TLL1: variants seen among roughly 807,000 people sequenced by gnomAD.
The protein encoded by TLL1 is tolloid like 1.
In TLL1, 49 loss-of-function variants were observed where a neutral mutation model predicts 128.2. The ratio of observed to expected loss-of-function variants is 0.38; its 90% CI spans 0.30 to 0.48. The LOEUF (loss-of-function observed/expected upper bound fraction) is 0.48, where lower values mean the gene tolerates loss of function less well. Among genes scored for constraint, TLL1 ranks in the 20% least tolerant of loss-of-function variants. The pLI is 0.96. For synonymous variants in TLL1, 454 were observed against 418.8 expected (o/e 1.08, Z -1.03); for missense variants, 1,123 against 1,242.0 (o/e 0.90, Z 1.44).
chr4:165,996,946 T>C (rs1035536586), intron 5 of TLL1, among the ~76,000 whole-genome samples: 1 of 151,828 alleles, frequency 6.6e-6, no homozygotes, highest in African/African-American at 2.4e-5. Flanking sequence ...GTGATTTTTA[T>C]AGTAGTAATG....
chr4:166,035,628 ATTT>A (rs3047081), intron 9 of TLL1, among the ~76,000 whole-genome samples: 3 of 151,218 alleles, frequency 2.0e-5, no homozygotes, highest in African/African-American at 7.3e-5. Context: ...AAAAAGTTGT[ATTT>A]TTTTTTTCCT....
intron 1 of TLL1, among the ~76,000 whole-genome samples, chr4:165,980,469 C>T (rs1736105554): frequency 2.0e-5 from 3 of 152,210 alleles, no homozygotes; most frequent in African/African-American, 7.2e-5. Context: ...ATGGCTGTTG[C>T]AGGCATAGCC....
chr4:165,975,667 T>C (rs1735843098), intron 1 of TLL1, among the ~76,000 whole-genome samples: 1 of 152,190 alleles, frequency 6.6e-6, no homozygotes, highest in South Asian at 2.1e-4. Flanking sequence ...AAGGGGTTTC[T>C]TTGACTTGAT....
intron 18 of TLL1, among the ~76,000 whole-genome samples, chr4:166,081,319 G>A (rs1741272907): frequency 6.6e-6 from 1 of 152,154 alleles, no homozygotes; most frequent in Non-Finnish European, 1.5e-5. Context: ...CTCCTTCAGA[G>A]GCTTACAGCT....
At chr4:165,918,409 A>T (rs2110884375) in intron 1 of TLL1, among the ~76,000 whole-genome samples, 1 of 152,254 alleles carries the variant, frequency 6.6e-6, no homozygotes, top group South Asian at 2.1e-4. Context: ...GCTGCACGTT[A>T]AAATTATTTG....
intron 1 of TLL1, among the ~76,000 whole-genome samples, chr4:165,956,145 A>G (rs1734780440): frequency 6.6e-6 from 1 of 152,160 alleles, no homozygotes; most frequent in Non-Finnish European, 1.5e-5. Flanking sequence ...ACTACTGACA[A>G]GGATCCAACA....
chr4:166,000,402 C>A (rs1429112212), intron 5 of TLL1, among the ~76,000 whole-genome samples: 2 of 152,064 alleles, frequency 1.3e-5, no homozygotes, highest in Admixed American at 1.3e-4. Flanking sequence ...TTCACAGGAC[C>A]ATTGTAAAAT....
At chr4:166,056,757 T>C (rs1046033856) in intron 13 of TLL1, among the ~76,000 whole-genome samples, 6 of 152,130 alleles carry the variant, frequency 3.9e-5, no homozygotes, top group Admixed American at 2.6e-4. Context: ...ACACACTGTG[T>C]CTGAGATAAG....
At chr4:166,092,890 T>G (rs889825287) in intron 19 of TLL1, among the ~76,000 whole-genome samples, 1 of 152,170 alleles carries the variant, frequency 6.6e-6, no homozygotes, top group African/African-American at 2.4e-5. Flanking sequence ...AGATCATTTC[T>G]TCAGATCTCA....
rs544245606 is a variant in TLL1 at position 166,033,564 on chromosome 4, T to C, written c.1159-5775T>C. Among the ~76,000 whole-genome samples, 33 of 152,344 alleles carry C rather than the reference T, an allele frequency of 2.2e-4. 1 individual carries two copies. The highest frequency in any genetic ancestry group is 7.9e-4 in the African/African-American group (33 of 41,592). ...TATTGTCTTTAAAAAATACAGTCAT[T>C]GTAGGACAATGATGTGAATGTACTT... On this transcript the variant is annotated intron_variant, in intron 9 of 20. Transcript: ENST00000061240.
intron 1 of TLL1, among the ~76,000 whole-genome samples, chr4:165,890,169 C>G (rs1402370644): frequency 6.6e-6 from 1 of 152,120 alleles, no homozygotes; most frequent in African/African-American, 2.4e-5. Context: ...GAGGTAACTG[C>G]CCCCATGATT....
chr4:165,967,370 G>T (rs1242817317), intron 1 of TLL1, among the ~76,000 whole-genome samples: 2 of 152,196 alleles, frequency 1.3e-5, no homozygotes, highest in African/African-American at 4.8e-5. Context: ...TTAAAGACAG[G>T]CCTAGGAAAT....
At chr4:166,079,994 C>T (rs1304725378) in intron 18 of TLL1, among the ~76,000 whole-genome samples, 2 of 152,128 alleles carry the variant, frequency 1.3e-5, no homozygotes, top group African/African-American at 4.8e-5. Context: ...TTACATTTCA[C>T]TTATTATAGT....
intron 1 of TLL1, among the ~76,000 whole-genome samples, chr4:165,931,561 CA>C (rs368421654): frequency 5.3e-5 from 8 of 151,152 alleles, no homozygotes; most frequent in Non-Finnish European, 1.2e-4. Flanking sequence ...ACTAAAAATA[CA>C]AAAAAAATTA....
chr4:166,060,737 G>T (rs116067958), intron 15 of TLL1, among the ~76,000 whole-genome samples: 1,623 of 152,226 alleles, frequency 0.011, 35 homozygotes, highest in African/African-American at 0.036. Flanking sequence ...TACAGTTTCT[G>T]TCAGGTGACT....
chr4:165,920,375 G>T (rs1406175179), intron 1 of TLL1, among the ~76,000 whole-genome samples: 2 of 152,194 alleles, frequency 1.3e-5, no homozygotes, highest in Non-Finnish European at 1.5e-5. Flanking sequence ...GAGAATTGTT[G>T]TTGAGCATTG....
At chr4:165,926,916 G>GGTT (rs1733296836) in intron 1 of TLL1, among the ~76,000 whole-genome samples, 1 of 152,120 alleles carries the variant, frequency 6.6e-6, no homozygotes. Context: ...AAATATACTA[G>GGTT]GTTAATGTTA....
At chr4:166,063,071 A>C (rs1016114560) in intron 15 of TLL1, among the ~76,000 whole-genome samples, 1 of 152,172 alleles carries the variant, frequency 6.6e-6, no homozygotes, top group Non-Finnish European at 1.5e-5. Flanking sequence ...GAATGGGAGA[A>C]AATTTTTACA....
chr4:166,016,010 AT>A (rs1198529941), intron 8 of TLL1, among the ~76,000 whole-genome samples: 2 of 152,146 alleles, frequency 1.3e-5, no homozygotes, highest in East Asian at 1.9e-4. Context: ...GTTTTCAAAA[AT>A]TTTTTGTGTA....
Sources: gnomAD v4.1 joint callset for allele counts (sites outside exome capture counted in the v4.1 genomes callset) on GRCh38, gnomAD v4.1.1 for gene constraint, MANE v1.5 for transcripts, NCBI Gene and HGNC (gene_info 2026-07-23, HGNC 2026-07-21) for gene names.